The following ZNF821 variants were observed in gnomAD, a reference collection of about 807,000 sequenced individuals.
ZNF821 encodes the protein zinc finger protein 821.
A neutral mutation model predicts 44.3 loss-of-function variants in ZNF821; 16 were observed. That is an observed-to-expected ratio of 0.36 (90% CI 0.24 to 0.55). The LOEUF is 0.55. ZNF821 is among the 20% of genes least tolerant of loss of function. The pLI is 0.86. For synonymous variants in ZNF821, 204 were observed against 197.6 expected (o/e 1.03, Z -0.27); for missense variants, 436 against 547.6 (o/e 0.80, Z 2.03).
At chr16:71,863,321 G>C (rs933323986) in intron 6 of ZNF821, among the ~76,000 whole-genome samples, 2 of 151,214 alleles carry the variant, frequency 1.3e-5, no homozygotes, top group Non-Finnish European at 2.9e-5. Flanking sequence ...TTCACAGTGT[G>C]TCTGCCCGGA....
chr16:71,874,664 G>A, intron 3 of ZNF821, among the ~76,000 whole-genome samples: 1 of 152,068 alleles, frequency 6.6e-6, no homozygotes, highest in East Asian at 1.9e-4. Context: ...ATGTTGGCCA[G>A]GCTGGTCTTG....
In ZNF821 at chr16:71,860,758, C is replaced by T. The variant is rs190882678; in HGVS notation, c.585-86G>A. 8 of 1,374,474 alleles carry T rather than the reference C, an allele frequency of 5.8e-6. No individual in the cohort carries two copies. The East Asian group carries it at 1.7e-4, about 29-fold the overall frequency. The allele number at this position is 1,374,474 out of a possible 1,614,324, so 85.1% of individuals were successfully genotyped here. A position where few individuals can be genotyped will look rare whatever the true frequency, so the allele number is the denominator to read the frequency against. ...CCTGCCTTATTCTTTTCCTATGAGGCCAGTGGCTCCACGCTCACCACAAGG... is the reference window on the plus strand; with the variant it reads ...CCTGCCTTATTCTTTTCCTATGAGGTCAGTGGCTCCACGCTCACCACAAGG... On this transcript the variant is annotated intron_variant, in intron 7 of 7. Transcript: ENST00000425432. This position sits in a 1 kb window ranked among gnomAD's most constrained non-coding sequence, Gnocchi z 7.3.
chr16:71,880,109 G>A (rs1215534400), intron 2 of ZNF821, 86 bp from the exon 3 acceptor site: 3 of 577,908 alleles, frequency 5.2e-6, no homozygotes, highest in East Asian at 5.9e-5. Context: ...TTAAAAAACA[G>A]CTCCTGAGCA....
At position 71,860,429 on chromosome 16, in the gene ZNF821, T is replaced by C. The variant is rs768746731; in HGVS notation, c.828A>G (p.Arg276=). Residue 276 remains arginine (R), a synonymous_variant, in exon 8 of 8, where the codon CGA becomes CGG. Transcript: ENST00000425432. The surrounding 1 kb of genome is among the most constrained non-coding windows in gnomAD (Gnocchi z 7.3). ...GCCGGCTCTTCTTGGCCGTGCGCTC[T>C]CGTTCCAGCCGCTGCAGCCGTACTT... ...PLEVRLQRLE[R]ERTAKKSRRD... 4 of 1,613,622 alleles carry C rather than the reference T, an allele frequency of 2.5e-6. No homozygotes were observed. Among genetic ancestry groups the C allele is most frequent in the East Asian group, 4.5e-5 (2 of 44,880 alleles).
intron 4 of ZNF821, among the ~76,000 whole-genome samples, chr16:71,866,063 A>G (rs1375750383): frequency 6.6e-6 from 1 of 152,214 alleles, no homozygotes; most frequent in East Asian, 1.9e-4. Flanking sequence ...AGAAGTAGCC[A>G]AGCCTAGGGA....
At chr16:71,865,120 G>A (rs2034384643) in intron 4 of ZNF821, 72 bp from the exon 5 acceptor site, 1 of 1,575,678 alleles carries the variant, frequency 6.3e-7, no homozygotes, top group Non-Finnish European at 8.7e-7. Flanking sequence ...CCACCCTAGA[G>A]TTGGCAGTTA....
rs1217834669 is a variant in ZNF821 at position 71,884,117 on chromosome 16, G to GA, written c.-351_-350insT. ...GCGCTGCAGACGGACAAAGCCAACA[G>GA]CAGACAGACAGACGGAGGGGGAAAA... On this transcript the variant is annotated 5_prime_UTR_variant, in exon 1 of 8. Transcript: ENST00000425432. The GA allele has an allele frequency of 6.6e-6, 1 of 152,246 alleles. No individual in the cohort carries two copies. The highest frequency in any genetic ancestry group is 1.9e-4 in the East Asian group (1 of 5,180). The allele number at this position is 152,246 out of a possible 1,614,324, so 9.4% of individuals were successfully genotyped here.
chr16:71,875,614 C>A (rs534700925), intron 3 of ZNF821, among the ~76,000 whole-genome samples: 1 of 152,048 alleles, frequency 6.6e-6, no homozygotes, highest in Admixed American at 6.6e-5. Flanking sequence ...CCACCACGCC[C>A]GGCTAATTTT....
In ZNF821 at chr16:71,867,969, C is replaced by G; in HGVS notation, c.109G>C (p.Asp37His). Residue 37 changes from aspartate (D) to histidine (H), a missense_variant, in exon 4 of 8, where the codon GAC becomes CAC. Physicochemically the swap from Asp to His is moderately conservative, Grantham distance 81. Coordinates refer to ENST00000425432, the MANE Select transcript of ZNF821 (RefSeq NM_001201552.2). ...QAMMKTDFPG[D>H]LGSQRQAIQQ... ...ATAGCTTGTCGCTGACTGCCAAGGT[C>G]TCCAGGAAAATCAGTTTTCATCATC... is the stretch of plus-strand genomic sequence containing the variant. 1 of 1,536,076 alleles carries G rather than the reference C, an allele frequency of 6.5e-7. No homozygotes were observed. The highest frequency in any genetic ancestry group is 1.4e-5 in the African/African-American group (1 of 73,176).
intron 3 of ZNF821, among the ~76,000 whole-genome samples, chr16:71,875,906 A>C (rs1033230281): frequency 1.3e-5 from 2 of 152,028 alleles, no homozygotes; most frequent in African/African-American, 4.8e-5. Flanking sequence ...GCCTCCATCT[A>C]TTTTTCAACT....
intron 5 of ZNF821, 160 bp downstream of exon 5, chr16:71,864,743 G>C (rs139773282): frequency 2.5e-6 from 2 of 805,602 alleles, no homozygotes; most frequent in African/African-American, 3.5e-5. Flanking sequence ...CGAGAACTGA[G>C]AGTCTGAGGT....
At chr16:71,890,122 A>G (rs2036877349) in intron 1 of ZNF821, among the ~76,000 whole-genome samples, 2 of 152,212 alleles carry the variant, frequency 1.3e-5, no homozygotes, top group African/African-American at 4.8e-5. Flanking sequence ...TAGTGACATT[A>G]ATTAGTTTTC....
intron 5 of ZNF821, chr16:71,864,702 T>G: frequency 1.7e-6 from 1 of 604,502 alleles, no homozygotes. Flanking sequence ...GGCGCAGCGA[T>G]TCGTGGATGG....
At chr16:71,871,327 A>C (rs953156080) in intron 3 of ZNF821, among the ~76,000 whole-genome samples, 8 of 152,336 alleles carry the variant, frequency 5.3e-5, no homozygotes, top group African/African-American at 1.9e-4. Context: ...ATTCCTCAGA[A>C]CTATTCCTAT....
chr16:71,877,061 C>A (rs994193219), intron 3 of ZNF821, among the ~76,000 whole-genome samples: 1 of 152,152 alleles, frequency 6.6e-6, no homozygotes, highest in Non-Finnish European at 1.5e-5. Context: ...CTAGAAGCAT[C>A]CAACTCGTTC....
intron 1 of ZNF821, among the ~76,000 whole-genome samples, chr16:71,889,918 T>G (rs573776797): frequency 2.0e-5 from 3 of 152,232 alleles, no homozygotes; most frequent in Non-Finnish European, 4.4e-5. Context: ...ATTGCACCAC[T>G]GCACTTCAGC....
rs773798197 is a variant in ZNF821 at position 71,860,702 on chromosome 16, G to A, written c.585-30C>T. On this transcript the variant is annotated intron_variant, in intron 7 of 7. Transcript: ENST00000425432. The surrounding 1 kb of genome is among the most constrained non-coding windows in gnomAD (Gnocchi z 7.3). Reference sequence around the variant, plus strand: ...AAAGGAAACATTTTGGATGGTTAGTGTTTCCTTCTAGCAAGAGTCGGGACT... The same window carrying A: ...AAAGGAAACATTTTGGATGGTTAGTATTTCCTTCTAGCAAGAGTCGGGACT... 1.4e-5 allele frequency: 22 copies of A among 1,598,646 alleles called. No individual in the cohort carries two copies. The highest frequency in any genetic ancestry group is 1.8e-5 in the Non-Finnish European group (21 of 1,174,304).
intron 1 of ZNF821, chr16:71,891,328 CAG>C (rs1365885746): frequency 1.3e-5 from 2 of 152,210 alleles, no homozygotes; most frequent in Non-Finnish European, 2.9e-5. Flanking sequence ...TCAAGGGAAA[CAG>C]TGTTTATTTT....
intron 6 of ZNF821, among the ~76,000 whole-genome samples, chr16:71,862,768 G>A (rs919406435): frequency 3.9e-5 from 6 of 152,180 alleles, no homozygotes; most frequent in African/African-American, 1.4e-4. Context: ...TGCCATGTGT[G>A]CTGATACCTT....
Sources: allele counts gnomAD v4.1 joint callset (sites outside exome capture counted in the v4.1 genomes callset), GRCh38; gene constraint gnomAD v4.1.1; non-coding constraint Gnocchi (gnomAD v3.1); transcripts MANE v1.5; gene names NCBI Gene and HGNC (gene_info 2026-07-23, HGNC 2026-07-21).